Variants in ANK3 observed in about 807,000 individuals in gnomAD.
The protein encoded by ANK3 is ankyrin 3, also known as ankyrin-3.
In ANK3, 57 loss-of-function variants were observed where a neutral mutation model predicts 370.9. The observed-to-expected ratio is 0.15, with a 90% CI of 0.12 to 0.19. ANK3 has a LOEUF of 0.19. Ranked by LOEUF, ANK3 falls within the 10% of genes least tolerant of loss-of-function variation. The pLI is 1.00. For synonymous variants in ANK3, 1,929 were observed against 1,946.3 expected (o/e 0.99, Z 0.23); for missense variants, 4,439 against 5,302.1 (o/e 0.84, Z 5.06).
At chr10:60,452,037 C>T (rs1158089390) in intron 2 of ANK3, among the ~76,000 whole-genome samples, 1 of 152,220 alleles carries the variant, frequency 6.6e-6, no homozygotes, top group Non-Finnish European at 1.5e-5. Flanking sequence ...AGTACTTCAC[C>T]TTCTGGGGGG....
intron 1 of ANK3, among the ~76,000 whole-genome samples, chr10:60,668,881 T>C (rs991346012): frequency 4.6e-4 from 70 of 151,984 alleles, no homozygotes; most frequent in African/African-American, 1.6e-3. Context: ...TATTCCCAGC[T>C]ACTTGCCAGG....
chr10:60,240,837 C>T lies in ANK3; in HGVS notation c.799-6051G>A, dbSNP rs568124447. Among the ~76,000 whole-genome samples the T allele has an allele frequency of 6.6e-5, 10 of 152,238 alleles. No homozygotes were observed. In the South Asian group the frequency reaches 8.3e-4, roughly 13 times the overall value. On this transcript the variant is annotated intron_variant, in intron 7 of 43. Coordinates refer to ENST00000280772, the MANE Select transcript of ANK3 (RefSeq NM_020987.5). ...GAACTTCTGACGTCAAGTGATCGCC[C>T]ACCTTGGCCTCCCAGTGTGCTGGGA...
In ANK3 at chr10:60,055,700, A is replaced by G; in HGVS notation, c.13023T>C (p.Leu4341=). The G allele has an allele frequency of 1.9e-6, 3 of 1,614,002 alleles. No homozygotes were observed. Among genetic ancestry groups the G allele is most frequent in the Non-Finnish European group, 2.5e-6 (3 of 1,179,964 alleles). ...TGGACCCCTCTTCTTCATGGAGGCT[A>G]AGCCTTGGCTTGCCATCTGCTGGAG... ...RTSPADGKPR[L]SLHEEEGSSG... The change falls in exon 42 of 44, where the codon CTT becomes CTC. Residue 4341 remains leucine, a synonymous_variant. Transcript: ENST00000280772.
intron 1 of ANK3, among the ~76,000 whole-genome samples, chr10:60,691,689 C>T (rs2079355629): frequency 6.6e-6 from 1 of 152,102 alleles, no homozygotes; most frequent in African/African-American, 2.4e-5. Context: ...GTCAATTATA[C>T]CTCTTGCATG....
intron 7 of ANK3, among the ~76,000 whole-genome samples, chr10:60,258,955 G>A (rs2097770576): frequency 6.6e-6 from 1 of 152,146 alleles, no homozygotes; most frequent in African/African-American, 2.4e-5. Flanking sequence ...GTTACAATTT[G>A]CAGCCAATTC....
chr10:60,125,622 C>G (rs1397219087), intron 25 of ANK3, among the ~76,000 whole-genome samples: 1 of 152,116 alleles, frequency 6.6e-6, no homozygotes, highest in Non-Finnish European at 1.5e-5. Context: ...TGAGCACCCC[C>G]CTTAGAAATT....
At chr10:60,610,392 A>T (rs549831813) in intron 2 of ANK3, among the ~76,000 whole-genome samples, 1 of 152,166 alleles carries the variant, frequency 6.6e-6, no homozygotes, top group African/African-American at 2.4e-5. Flanking sequence ...GGGCACCTGT[A>T]ATCCCAGTTA....
At chr10:60,455,526 C>A (rs535689804) in intron 2 of ANK3, among the ~76,000 whole-genome samples, 20 of 152,280 alleles carry the variant, frequency 1.3e-4, no homozygotes, top group African/African-American at 4.6e-4. Flanking sequence ...TATAATTGGT[C>A]ACCTTAAAAC....
At chr10:60,542,354 T>C (rs1283515947) in intron 2 of ANK3, among the ~76,000 whole-genome samples, 1 of 151,906 alleles carries the variant, frequency 6.6e-6, no homozygotes, top group Admixed American at 6.6e-5. Flanking sequence ...ACTTTGGGAA[T>C]GACATTCCCT....
At chr10:60,611,564 A>G (rs1378190736) in intron 2 of ANK3, among the ~76,000 whole-genome samples, 2 of 152,100 alleles carry the variant, frequency 1.3e-5, no homozygotes, top group Non-Finnish European at 2.9e-5. Flanking sequence ...GGCATGAGTC[A>G]ATTCTGACAG....
chr10:60,650,690 C>A, intron 1 of ANK3, among the ~76,000 whole-genome samples: 1 of 152,122 alleles, frequency 6.6e-6, no homozygotes, highest in East Asian at 1.9e-4. Context: ...TAATAATGGA[C>A]CCCAGGAGGC....
At chr10:60,323,928 G>A (rs1593751331) in intron 1 of ANK3, among the ~76,000 whole-genome samples, 1 of 152,200 alleles carries the variant, frequency 6.6e-6, no homozygotes, top group Admixed American at 6.5e-5. Context: ...GGCCACCTGT[G>A]TTCCTGCAAA....
intron 1 of ANK3, among the ~76,000 whole-genome samples, chr10:60,324,265 GACAAAGTGCA>G (rs2049301061): frequency 6.6e-6 from 1 of 152,192 alleles, no homozygotes; most frequent in African/African-American, 2.4e-5. Context: ...CAGGACAGAA[GACAAAGTGCA>G]AGTGGAAGGT....
intron 9 of ANK3, among the ~76,000 whole-genome samples, chr10:60,209,306 A>T (rs1217390459): frequency 2.0e-5 from 3 of 152,228 alleles, no homozygotes; most frequent in African/African-American, 7.2e-5. Context: ...AATATGTACC[A>T]AGGAACCAGA....
upstream of ANK3, among the ~76,000 whole-genome samples, chr10:60,392,762 C>T (rs1189519175): frequency 6.6e-6 from 1 of 152,086 alleles, no homozygotes; most frequent in African/African-American, 2.4e-5. Flanking sequence ...AACCCCATCT[C>T]TACTAAAAAT....
intron 42 of ANK3, chr10:60,043,640 A>G: frequency 1.0e-6 from 1 of 985,412 alleles, no homozygotes; most frequent in Non-Finnish European, 1.2e-6. Context: ...TATGGATCCG[A>G]TGTGCAGATC....
intron 2 of ANK3, among the ~76,000 whole-genome samples, chr10:60,483,225 A>G (rs913346150): frequency 6.6e-6 from 1 of 152,226 alleles, no homozygotes; most frequent in African/African-American, 2.4e-5. Context: ...GCATTCAATC[A>G]TCATAAAACA....
At chr10:60,147,147 G>C (rs1302213573) in intron 23 of ANK3, among the ~76,000 whole-genome samples, 1 of 152,192 alleles carries the variant, frequency 6.6e-6, no homozygotes, top group African/African-American at 2.4e-5. Flanking sequence ...GGATGGAATT[G>C]TGCCATCTGC....
chr10:60,150,482 T>C (rs2095056812), intron 23 of ANK3, among the ~76,000 whole-genome samples: 1 of 152,224 alleles, frequency 6.6e-6, no homozygotes, highest in Non-Finnish European at 1.5e-5. Flanking sequence ...TATTCTCTCA[T>C]GGCACCTGAC....
Sources: allele counts gnomAD v4.1 joint callset (sites outside exome capture counted in the v4.1 genomes callset), GRCh38; gene constraint gnomAD v4.1.1; transcripts MANE v1.5; gene names NCBI Gene and HGNC (gene_info 2026-07-23, HGNC 2026-07-21).